EFEMP1: variants seen among roughly 807,000 people sequenced by gnomAD.
The protein encoded by EFEMP1 is EGF-like fibulin extracellular matrix protein 1, also known as EGF-containing fibulin-like extracellular matrix protein 1.
A neutral mutation model predicts 65.7 loss-of-function variants in EFEMP1; 18 were observed. That is an observed-to-expected ratio of 0.27 (90% CI 0.19 to 0.41). The LOEUF (loss-of-function observed/expected upper bound fraction) is 0.41, where lower values mean the gene tolerates loss of function less well. EFEMP1 is among the 10% of genes least tolerant of loss of function. The pLI, the probability that EFEMP1 is intolerant of heterozygous loss-of-function variation, is 1.00. For missense variants in EFEMP1, 469 were observed against 624.8 expected (o/e 0.75, Z 2.66); for synonymous variants, 237 against 219.7 (o/e 1.08, Z -0.70).
intron 5 of EFEMP1, among the ~76,000 whole-genome samples, chr2:55,914,740 C>T (rs1328872054): frequency 6.6e-6 from 1 of 152,114 alleles, no homozygotes; most frequent in African/African-American, 2.4e-5. Flanking sequence ...ATCCAGTAGA[C>T]CATAGGAAAT....
In EFEMP1 at chr2:55,881,745, C is replaced by T. The variant is rs73940333; in HGVS notation, c.518-11G>A. On this transcript the variant is annotated splice_polypyrimidine_tract_variant and intron_variant, in intron 5 of 11. Coordinates refer to ENST00000355426, the MANE Select transcript of EFEMP1 (RefSeq NM_001039348.3). The stretch of plus-strand genomic sequence containing the variant: ...TGCACTCGTCTATGTCTGTCAGAGA[C>T]ATGCAACACAGAAAGAATTGTCAGT... 2.0e-3 allele frequency: 3,303 copies of T among 1,613,902 alleles called. 57 individuals are homozygous for T. The African/African-American group carries it at 0.036, about 17-fold the overall frequency.
Position 55,883,090 on chromosome 2 carries a change from G to A in EFEMP1, c.518-1356C>T, listed in dbSNP as rs191535629. ...AATCAGCTTCACTTAGCTGGGTGTGGAAATGATAAGAGAGATTCTTTCGAT... is the reference window on the plus strand; with the variant it reads ...AATCAGCTTCACTTAGCTGGGTGTGAAAATGATAAGAGAGATTCTTTCGAT... On this transcript the variant is annotated intron_variant, in intron 5 of 11. Coordinates refer to ENST00000355426, the MANE Select transcript of EFEMP1 (RefSeq NM_001039348.3). This position sits in a 1 kb window ranked among gnomAD's most constrained non-coding sequence, Gnocchi z 4.5. Among the ~76,000 whole-genome samples the A allele has an allele frequency of 1.3e-4, 20 of 152,250 alleles. No homozygotes were observed. In the East Asian group the frequency reaches 3.9e-3, roughly 29 times the overall value.
chr2:55,870,830 T>C lies in EFEMP1; in HGVS notation c.1210A>G (p.Arg404Gly), dbSNP rs567386311. 6.2e-7 allele frequency: 1 copy of C among 1,613,836 alleles called. No homozygotes were observed. Among genetic ancestry groups the C allele is most frequent in the Admixed American group, 1.7e-5 (1 of 59,934 alleles). The change falls in exon 11 of 12, where the codon AGG becomes GGG. Residue 404 changes from arginine to glycine, a missense_variant. By Grantham distance (125) the Arg-to-Gly change is moderately radical (BLOSUM62 -2). This residue lies in a region of EFEMP1 where 399 missense variants were observed against 528.2 expected (regional missense o/e 0.76). Coordinates refer to ENST00000355426, the MANE Select transcript of EFEMP1 (RefSeq NM_001039348.3). This position sits in a 1 kb window ranked among gnomAD's most constrained non-coding sequence, Gnocchi z 5.8. ...VYKYMSIRSD[R>G]SVPSDIFQIQ... ...TGGAAGATGTCTGATGGCACAGACC[T>C]ATCAGATCGGATGCTCATGTATTTG... is the stretch of plus-strand genomic sequence containing the variant.
intron 5 of EFEMP1, among the ~76,000 whole-genome samples, chr2:55,904,748 T>G (rs971723550): frequency 3.3e-5 from 5 of 152,164 alleles, no homozygotes; most frequent in African/African-American, 1.2e-4. Flanking sequence ...TAGACCAAAT[T>G]ACACCACTGG....
rs571127990 is a variant in EFEMP1 at position 55,866,738 on chromosome 2, T to C, written c.*335A>G. On this transcript the variant is annotated 3_prime_UTR_variant, in exon 12 of 12. Coordinates refer to ENST00000355426, the MANE Select transcript of EFEMP1 (RefSeq NM_001039348.3). ...CCTTATGAGACTGTTAGTGGAGCTC[T>C]AGTAAGTTTCCTTAAGCACCACAGA... 1.1e-5 allele frequency: 3 copies of C among 272,458 alleles called. No homozygotes were observed. Among genetic ancestry groups the C allele is most frequent in the East Asian group, 8.8e-5 (1 of 11,340 alleles). The allele number at this position is 272,458 out of a possible 1,614,324, so 16.9% of individuals were successfully genotyped here. A position where few individuals can be genotyped will look rare whatever the true frequency, so the allele number is the denominator to read the frequency against.
intron 5 of EFEMP1, among the ~76,000 whole-genome samples, chr2:55,889,808 A>G (rs565149176): frequency 4.8e-4 from 69 of 144,432 alleles, no homozygotes; most frequent in Non-Finnish European, 8.1e-4. Context: ...CTGTAGGAAA[A>G]ACAATAAAGG....
chr2:55,876,503 A>T (rs1669040221), intron 8 of EFEMP1, 120 bp downstream of exon 8: 2 of 1,440,882 alleles, frequency 1.4e-6, no homozygotes, highest in Non-Finnish European at 9.5e-7. Context: ...CATTAACTGG[A>T]TTTTAGAACA....
At chr2:55,888,549 G>A (rs1156822862) in intron 5 of EFEMP1, among the ~76,000 whole-genome samples, 4 of 151,938 alleles carry the variant, frequency 2.6e-5, no homozygotes, top group Non-Finnish European at 5.9e-5. Flanking sequence ...ATGTTGGCCA[G>A]GCTGGTCTCA....
intron 6 of EFEMP1, among the ~76,000 whole-genome samples, chr2:55,880,938 C>G (rs1669215311): frequency 6.6e-6 from 1 of 152,226 alleles, no homozygotes; most frequent in South Asian, 2.1e-4. Context: ...AGCTCACGCT[C>G]TTAGGCCCTC....
intron 6 of EFEMP1, 148 bp from the exon 7 acceptor site, chr2:55,878,013 A>AAATAC: frequency 1.0e-6 from 1 of 966,032 alleles, no homozygotes; most frequent in Non-Finnish European, 1.5e-6. Context: ...ATGTATTTTA[A>AAATAC]ATATACTTTG....
intron 5 of EFEMP1, among the ~76,000 whole-genome samples, chr2:55,899,237 T>G (rs769591448): frequency 3.9e-5 from 6 of 152,264 alleles, no homozygotes; most frequent in Non-Finnish European, 5.9e-5. Context: ...AACTAGGGTC[T>G]GTTGACTTGA....
At chr2:55,888,354 T>C (rs1308035350) in intron 5 of EFEMP1, among the ~76,000 whole-genome samples, 1 of 138,086 alleles carries the variant, frequency 7.2e-6, no homozygotes, top group Non-Finnish European at 1.6e-5. Context: ...TTTTTTTTTT[T>C]TGAGATGGAG....
intron 5 of EFEMP1, among the ~76,000 whole-genome samples, chr2:55,898,331 A>G (rs1392045779): frequency 6.6e-6 from 1 of 152,240 alleles, no homozygotes; most frequent in African/African-American, 2.4e-5. Context: ...AAACTTGTTT[A>G]GAATCACTGT....
In EFEMP1 at chr2:55,883,233, A is replaced by C. The variant is rs1272753035; in HGVS notation, c.518-1499T>G. On this transcript the variant is annotated intron_variant, in intron 5 of 11. Coordinates refer to ENST00000355426, the MANE Select transcript of EFEMP1 (RefSeq NM_001039348.3). This position sits in a 1 kb window ranked among gnomAD's most constrained non-coding sequence, Gnocchi z 4.5. The stretch of plus-strand genomic sequence containing the variant: ...GAACTTGGTTTTAAAGTTTTGGCTA[A>C]GGTTTTTGTTATTTTGTTTTGTTTT... 2.6e-5 allele frequency among the ~76,000 whole-genome samples: 4 copies of C among 152,136 alleles called. No individual in the cohort carries two copies. The highest frequency in any genetic ancestry group is 2.0e-4 in the Admixed American group (3 of 15,264).
At chr2:55,869,020 T>C (rs1315216132) in intron 11 of EFEMP1, among the ~76,000 whole-genome samples, 2 of 152,244 alleles carry the variant, frequency 1.3e-5, no homozygotes, top group Non-Finnish European at 2.9e-5. Flanking sequence ...TCAAATAATT[T>C]AACATTAACT....
intron 5 of EFEMP1, among the ~76,000 whole-genome samples, chr2:55,910,755 AAAG>A (rs1346164238): frequency 6.6e-6 from 1 of 152,232 alleles, no homozygotes; most frequent in East Asian, 1.9e-4. Flanking sequence ...GTTTAAATTG[AAAG>A]AAGATGCTTA....
At chr2:55,879,591 T>A (rs139961618) in intron 6 of EFEMP1, among the ~76,000 whole-genome samples, 1 of 152,274 alleles carries the variant, frequency 6.6e-6, no homozygotes, top group East Asian at 1.9e-4. Flanking sequence ...ATAATGATAA[T>A]CAGTATACAT....
chr2:55,875,726 A>G (rs2104381173), intron 8 of EFEMP1, among the ~76,000 whole-genome samples: 1 of 152,254 alleles, frequency 6.6e-6, no homozygotes, highest in Admixed American at 6.5e-5. Flanking sequence ...AGCCAAGTTC[A>G]TTTGAGCTTT....
Position 55,867,940 on chromosome 2 carries a change from G to A in EFEMP1, c.1321-706C>T, listed in dbSNP as rs544730376. On this transcript the variant is annotated intron_variant, in intron 11 of 11. Coordinates refer to ENST00000355426, the MANE Select transcript of EFEMP1 (RefSeq NM_001039348.3). The surrounding 1 kb of genome is among the most constrained non-coding windows in gnomAD (Gnocchi z 4.3). Reference sequence around the variant, plus strand: ...GGCAGGTAAGTGGATGTGTGAGTTTGAATGCCAAGGGATAGAGTCATGGAT... The same window carrying A: ...GGCAGGTAAGTGGATGTGTGAGTTTAAATGCCAAGGGATAGAGTCATGGAT... 3.3e-5 allele frequency among the ~76,000 whole-genome samples: 5 copies of A among 152,268 alleles called. No homozygotes were observed. In the East Asian group the frequency reaches 7.7e-4, roughly 24 times the overall value.
Sources: allele counts gnomAD v4.1 joint callset (sites outside exome capture counted in the v4.1 genomes callset), GRCh38; gene constraint gnomAD v4.1.1; regional missense constraint gnomAD v4.1.1; non-coding constraint Gnocchi (gnomAD v3.1); transcripts MANE v1.5; gene names NCBI Gene and HGNC (gene_info 2026-07-23, HGNC 2026-07-21).